The following TCF12 variants were observed in gnomAD, a reference collection of about 807,000 sequenced individuals.
TCF12 encodes the protein DNA-binding protein HTF4.
TCF12 carries 45 observed loss-of-function variants against 86.0 expected under a neutral mutation model. The observed-to-expected ratio is 0.52, with a 90% CI of 0.41 to 0.67. The LOEUF (loss-of-function observed/expected upper bound fraction) is 0.67, where lower values mean the gene tolerates loss of function less well. TCF12 is among the 30% of genes least tolerant of loss of function. The pLI is 0.00. For synonymous variants in TCF12, 330 were observed against 299.6 expected, an observed-to-expected ratio of 1.10 and a Z score of -1.05; for missense variants, 881 against 859.9, an observed-to-expected ratio of 1.02 and a Z score of -0.31.
chr15:57,135,844 A>G (rs536486503), intron 5 of TCF12, among the ~76,000 whole-genome samples: 1 of 152,296 alleles, frequency 6.6e-6, no homozygotes, highest in Non-Finnish European at 1.5e-5. Flanking sequence ...ATGTAACCAA[A>G]GGCTAGTTAC....
intron 3 of TCF12, among the ~76,000 whole-genome samples, chr15:57,008,261 C>T (rs1474185069): frequency 6.6e-6 from 1 of 151,986 alleles, no homozygotes; most frequent in Non-Finnish European, 1.5e-5. Context: ...AGGTGTGAGC[C>T]ACTGTGCCTG....
chr15:57,051,907 A>G (rs540430575), intron 3 of TCF12, among the ~76,000 whole-genome samples: 10 of 152,192 alleles, frequency 6.6e-5, no homozygotes, highest in Non-Finnish European at 8.8e-5. Context: ...TCCTTTCCCT[A>G]TTATGTATTC....
chr15:57,242,708 A>G (rs759928721), intron 12 of TCF12, among the ~76,000 whole-genome samples: 4 of 152,194 alleles, frequency 2.6e-5, no homozygotes, highest in Non-Finnish European at 5.9e-5. Flanking sequence ...ACTTGAATTA[A>G]TCTCTGTCAC....
intron 3 of TCF12, among the ~76,000 whole-genome samples, chr15:56,948,984 T>C (rs2061142304): frequency 2.0e-5 from 3 of 152,174 alleles, no homozygotes; most frequent in Admixed American, 2.0e-4. Context: ...TCCAGGCAGA[T>C]TTTTTTGGGT....
chr15:57,223,643 G>GTTTTTTTTTTTTTTTTCTTTT (rs2058711120), intron 8 of TCF12, among the ~76,000 whole-genome samples: 1 of 69,666 alleles, frequency 1.4e-5, no homozygotes, highest in Non-Finnish European at 2.8e-5. Flanking sequence ...TACCAATGAG[G>GTTTTTTTTTTTTTTTTCTTTT]TTTTTTTTTT....
intron 17 of TCF12, 144 bp from the exon 18 acceptor site, chr15:57,262,968 T>C (rs777738804): frequency 6.7e-5 from 51 of 762,696 alleles, no homozygotes; most frequent in Non-Finnish European, 1.0e-4. Context: ...CTCTAAATAG[T>C]ATACTTTCCT....
rs1184422578 is a variant in TCF12 at position 57,208,380 on chromosome 15, C to CTTTTTTTTTTTTTTTTTT, written c.579+10557_579+10574dup. Among the ~76,000 whole-genome samples the CTTTTTTTTTTTTTTTTTT allele has an allele frequency of 6.4e-4, 42 of 65,586 alleles. 4 individuals are homozygous for CTTTTTTTTTTTTTTTTTT. Among genetic ancestry groups the CTTTTTTTTTTTTTTTTTT allele is most frequent in the African/African-American group, 2.4e-3 (36 of 14,844 alleles). 43.0% of individuals were successfully genotyped at this position (65,586 alleles called of 152,430 possible). A position where few individuals can be genotyped will look rare whatever the true frequency, so the allele number is the denominator to read the frequency against. ...ACCTTGTTCTTTGGACAAAAATATC[C>CTTTTTTTTTTTTTTTTTT]TTTTTTTTTTTTTTTTTTTGGAGAC... On this transcript the variant is annotated intron_variant, in intron 8 of 20. Transcript: ENST00000333725.
intron 8 of TCF12, among the ~76,000 whole-genome samples, chr15:57,204,219 T>G (rs1169240918): frequency 6.6e-6 from 1 of 152,104 alleles, no homozygotes; most frequent in African/African-American, 2.4e-5. Flanking sequence ...GAGTATCCCC[T>G]GAATCCAGGA....
At chr15:56,981,498 G>GT (rs2062889201) in intron 3 of TCF12, among the ~76,000 whole-genome samples, 1 of 152,186 alleles carries the variant, frequency 6.6e-6, no homozygotes, top group Non-Finnish European at 1.5e-5. Flanking sequence ...AACATCTCCT[G>GT]TTAGGCCTCA....
rs556301103 is a variant in TCF12, at chr15:56,954,245, T to C, written c.148+33147T>C. On this transcript the variant is annotated intron_variant, in intron 3 of 20. Coordinates refer to ENST00000333725, the MANE Select transcript of TCF12 (RefSeq NM_207037.2). ...TAGAGATATTTCTCTTACTGATTTC[T>C]AGTTTAATTTGATTGTGGTTCACAT... Among the ~76,000 whole-genome samples, 17 of 152,324 alleles carry C rather than the reference T, an allele frequency of 1.1e-4. No homozygotes were observed. In the South Asian group the frequency reaches 3.3e-3, roughly 30 times the overall value.
At chr15:57,019,502 A>G (rs1294336084) in intron 3 of TCF12, among the ~76,000 whole-genome samples, 2 of 152,050 alleles carry the variant, frequency 1.3e-5, no homozygotes, top group Non-Finnish European at 2.9e-5. Context: ...AAGGTTTTTA[A>G]TGGGTAATAT....
At chr15:57,193,186 G>T (rs147833334) in intron 7 of TCF12, among the ~76,000 whole-genome samples, 5 of 152,200 alleles carry the variant, frequency 3.3e-5, no homozygotes, top group African/African-American at 1.2e-4. Flanking sequence ...TTAGTACTTA[G>T]GATAAAATTT....
chr15:57,175,482 A>G (rs2055844564), intron 6 of TCF12, among the ~76,000 whole-genome samples: 1 of 152,228 alleles, frequency 6.6e-6, no homozygotes, highest in Non-Finnish European at 1.5e-5. Flanking sequence ...CTTATGTTGT[A>G]TGGTAATGTC....
chr15:57,200,021 A>G (rs1438760357), intron 8 of TCF12, among the ~76,000 whole-genome samples: 1 of 150,052 alleles, frequency 6.7e-6, no homozygotes, highest in African/African-American at 2.5e-5. Context: ...AGCTGGGACT[A>G]CAGGGACAGG....
chr15:57,187,459 T>C (rs142963171), intron 6 of TCF12, among the ~76,000 whole-genome samples: 14 of 152,344 alleles, frequency 9.2e-5, no homozygotes, highest in Middle Eastern at 3.4e-3. Flanking sequence ...AGAAGAATTA[T>C]TGTCTTGGAC....
chr15:56,976,035 C>T (rs369085532), intron 3 of TCF12, among the ~76,000 whole-genome samples: 2 of 151,624 alleles, frequency 1.3e-5, no homozygotes, highest in Non-Finnish European at 2.9e-5. Flanking sequence ...TGAGCCACAC[C>T]GTATATGTTT....
intron 3 of TCF12, among the ~76,000 whole-genome samples, chr15:56,998,923 G>A (rs1272353156): frequency 6.6e-6 from 1 of 152,152 alleles, no homozygotes; most frequent in Non-Finnish European, 1.5e-5. Flanking sequence ...ACATGGCTGG[G>A]CGCGGTGGCT....
chr15:57,233,951 A>G (rs1475653330), intron 11 of TCF12, 92 bp from the exon 12 acceptor site: 10 of 966,564 alleles, frequency 1.0e-5, no homozygotes, highest in Non-Finnish European at 1.7e-5. Flanking sequence ...ATGTGAGATG[A>G]TGATAGAGAA....
intron 3 of TCF12, among the ~76,000 whole-genome samples, chr15:57,056,288 C>A (rs879231100): frequency 1.3e-5 from 2 of 151,662 alleles, no homozygotes; most frequent in Non-Finnish European, 2.9e-5. Flanking sequence ...TTACAGGCGC[C>A]CACCACCATT....
Sources: gnomAD v4.1 joint callset for allele counts (sites outside exome capture counted in the v4.1 genomes callset) on GRCh38, gnomAD v4.1.1 for gene constraint, MANE v1.5 for transcripts, NCBI Gene and HGNC (gene_info 2026-07-23, HGNC 2026-07-21) for gene names.